CNTLN: variants seen among roughly 807,000 people sequenced by gnomAD.
CNTLN encodes the protein centlein, also known as centlein, centrosomal protein.
Under a neutral mutation model 180.0 loss-of-function variants are expected in CNTLN, and 212 were observed. The ratio of observed to expected loss-of-function variants is 1.18; its 90% CI spans 1.05 to 1.32. The LOEUF (loss-of-function observed/expected upper bound fraction) is 1.32, where lower values mean the gene tolerates loss of function less well. Among genes scored for constraint, CNTLN ranks in the 40% most tolerant of loss-of-function variants. The probability of loss-of-function intolerance (pLI) is 0.00; values close to 1 mark genes in which losing one functional copy is unlikely to be tolerated. For missense variants in CNTLN, 2,095 were observed against 1,610.9 expected (o/e 1.30, Z -5.14); for synonymous variants, 722 against 563.1 (o/e 1.28, Z -3.99).
Position 17,408,510 on chromosome 9 carries a change from C to G in CNTLN, c.2616-783C>G, listed in dbSNP as rs768043704. Among the ~76,000 whole-genome samples the G allele has an allele frequency of 3.0e-4, 45 of 151,870 alleles. 1 individual carries two copies. Among genetic ancestry groups the G allele is most frequent in the Non-Finnish European group, 1.0e-4 (7 of 67,940 alleles). On this transcript the variant is annotated intron_variant, in intron 15 of 25. Transcript: ENST00000380647. ...CCTTAGCCTTCATGCCCACAAAAGT[C>G]CCTGGGCCCGGCTGGGTGCAGTGGC...
chr9:17,268,382 A>G (rs536808559), intron 5 of CNTLN, among the ~76,000 whole-genome samples: 27 of 152,040 alleles, frequency 1.8e-4, no homozygotes, highest in Non-Finnish European at 3.7e-4. Context: ...CTGCTGCCTG[A>G]TCGTTCCTCT....
intron 2 of CNTLN, among the ~76,000 whole-genome samples, chr9:17,209,419 A>G (rs889750535): frequency 8.5e-5 from 13 of 152,216 alleles, no homozygotes; most frequent in African/African-American, 3.1e-4. Context: ...ATCATCTGTA[A>G]CTACTTATTA....
intron 5 of CNTLN, among the ~76,000 whole-genome samples, chr9:17,268,060 C>T (rs1290312284): frequency 2.0e-5 from 3 of 152,146 alleles, no homozygotes; most frequent in African/African-American, 7.2e-5. Context: ...CTCCATCCAG[C>T]TTTGTTCCGT....
chr9:17,292,794 A>C (rs895415194), intron 6 of CNTLN, among the ~76,000 whole-genome samples: 1 of 152,070 alleles, frequency 6.6e-6, no homozygotes, highest in Non-Finnish European at 1.5e-5. Context: ...TCTGAGGCCT[A>C]CTTGTGTCAG....
the CNTLN span, among the ~76,000 whole-genome samples, chr9:17,525,784 C>T: frequency 1.3e-5 from 2 of 152,084 alleles, no homozygotes; most frequent in Non-Finnish European, 2.9e-5. Context: ...ATGAAAAGAT[C>T]TTTGAAGGCC....
intron 2 of CNTLN, among the ~76,000 whole-genome samples, chr9:17,157,988 A>G (rs1586948337): frequency 1.3e-5 from 2 of 152,340 alleles, no homozygotes; most frequent in Non-Finnish European, 2.9e-5. Flanking sequence ...TATGTAAGAT[A>G]TATGTTAAAC....
chr9:17,443,563 A>T (rs1006941639), intron 18 of CNTLN, among the ~76,000 whole-genome samples: 1 of 152,246 alleles, frequency 6.6e-6, no homozygotes, highest in Non-Finnish European at 1.5e-5. Flanking sequence ...CAACAAAGTT[A>T]TTCAGGATAG....
At chr9:17,174,827 A>G (rs1161401617) in intron 2 of CNTLN, among the ~76,000 whole-genome samples, 2 of 151,988 alleles carry the variant, frequency 1.3e-5, no homozygotes, top group South Asian at 2.1e-4. Context: ...TGGTGTCACT[A>G]TGTTTTCTTT....
chr9:17,177,428 T>A (rs1820790999), intron 2 of CNTLN, among the ~76,000 whole-genome samples: 1 of 152,122 alleles, frequency 6.6e-6, no homozygotes, highest in Non-Finnish European at 1.5e-5. Flanking sequence ...AAAATTATTT[T>A]CAGTTTCTTG....
intron 18 of CNTLN, among the ~76,000 whole-genome samples, chr9:17,437,492 A>G (rs1829847153): frequency 6.6e-6 from 1 of 152,208 alleles, no homozygotes; most frequent in African/African-American, 2.4e-5. Flanking sequence ...TTACATCAAC[A>G]TACTTTCAGA....
intron 19 of CNTLN, among the ~76,000 whole-genome samples, chr9:17,460,054 A>G (rs1169517445): frequency 2.0e-5 from 3 of 151,776 alleles, no homozygotes; most frequent in Non-Finnish European, 4.4e-5. Flanking sequence ...AGATTCGAAT[A>G]TACTAAAAGT....
chr9:17,279,241 G>A (rs1828508475), intron 6 of CNTLN, among the ~76,000 whole-genome samples: 1 of 152,042 alleles, frequency 6.6e-6, no homozygotes, highest in South Asian at 2.1e-4. Context: ...TATAACCACA[G>A]TGAACACAGA....
At chr9:17,487,170 A>G (rs947618170) in intron 25 of CNTLN, 104 bp downstream of exon 25, 10 of 762,722 alleles carry the variant, frequency 1.3e-5, no homozygotes, top group Non-Finnish European at 2.3e-5. Flanking sequence ...CCCATTGTTT[A>G]CTTCTGTTAG....
At chr9:17,404,597 A>G (rs1827233253) in intron 15 of CNTLN, among the ~76,000 whole-genome samples, 1 of 151,770 alleles carries the variant, frequency 6.6e-6, no homozygotes, top group Non-Finnish European at 1.5e-5. Context: ...TTTGGAAACC[A>G]GAGAATTCAT....
chr9:17,323,058 T>G (rs1820024942), intron 8 of CNTLN, among the ~76,000 whole-genome samples: 1 of 150,744 alleles, frequency 6.6e-6, no homozygotes, highest in Admixed American at 7.0e-5. Flanking sequence ...TTCATTAAAT[T>G]AGAGTGCTCT....
rs529357424 is a variant in CNTLN at position 17,263,123 on chromosome 9, T to C, written c.850-10610T>C. Among the ~76,000 whole-genome samples the C allele has an allele frequency of 1.8e-4, 27 of 150,830 alleles. No individual in the cohort carries two copies. In the East Asian group the frequency reaches 5.1e-3, roughly 29 times the overall value. On this transcript the variant is annotated intron_variant, in intron 5 of 25. Coordinates refer to ENST00000380647, the MANE Select transcript of CNTLN (RefSeq NM_017738.4). ...TTGTTACATATGTATACATGTGCCATGTTGGTGTGCTGCACCCATTAAGTC... is the reference window on the plus strand; with the variant it reads ...TTGTTACATATGTATACATGTGCCACGTTGGTGTGCTGCACCCATTAAGTC...
intron 2 of CNTLN, among the ~76,000 whole-genome samples, chr9:17,197,146 G>A (rs1041884424): frequency 6.6e-6 from 1 of 151,928 alleles, no homozygotes; most frequent in Non-Finnish European, 1.5e-5. Context: ...ATAATAATAG[G>A]GCCTACTTCA....
intron 13 of CNTLN, among the ~76,000 whole-genome samples, chr9:17,370,304 G>A (rs1176452520): frequency 1.3e-5 from 2 of 152,152 alleles, no homozygotes; most frequent in African/African-American, 4.8e-5. Flanking sequence ...CCTAAAAGCA[G>A]CAAGAGAAAA....
chr9:17,363,040 C>T (rs995154144), intron 12 of CNTLN, among the ~76,000 whole-genome samples: 1 of 152,166 alleles, frequency 6.6e-6, no homozygotes, highest in African/African-American at 2.4e-5. Flanking sequence ...CCAGCTTCAT[C>T]CATGTCCCTG....
Sources: gnomAD v4.1 joint callset for allele counts (sites outside exome capture counted in the v4.1 genomes callset) on GRCh38, gnomAD v4.1.1 for gene constraint, MANE v1.5 for transcripts, NCBI Gene and HGNC (gene_info 2026-07-23, HGNC 2026-07-21) for gene names.